ITGA8: variants seen among roughly 807,000 people sequenced by gnomAD.
ITGA8 encodes the protein integrin subunit alpha 8, also known as integrin alpha-8.
Under a neutral mutation model 142.3 loss-of-function variants are expected in ITGA8, and 91 were observed. That is an observed-to-expected ratio of 0.64 (90% CI 0.54 to 0.76). The LOEUF is 0.76. ITGA8 is among the 30% of genes least tolerant of loss of function. The probability of loss-of-function intolerance (pLI) is 0.00; values close to 1 mark genes in which losing one functional copy is unlikely to be tolerated. For synonymous variants in ITGA8, 505 were observed against 485.2 expected, an observed-to-expected ratio of 1.04 and a Z score of -0.54; for missense variants, 1,406 against 1,327.7, an observed-to-expected ratio of 1.06 and a Z score of -0.92.
In ITGA8 at chr10:15,683,685, T is replaced by G. The variant is rs192869072; in HGVS notation, c.568+319A>C. Among the ~76,000 whole-genome samples the G allele has an allele frequency of 9.2e-5, 14 of 152,342 alleles. No individual in the cohort carries two copies. In the East Asian group the frequency reaches 2.5e-3, roughly 27 times the overall value. On this transcript the variant is annotated intron_variant, in intron 4 of 29. Coordinates refer to ENST00000378076, the MANE Select transcript of ITGA8 (RefSeq NM_003638.3). ...GGCAATAAACAAATAAAGTGGGCAG[T>G]CAGCATTCTTTAGGACACGGAACGT...
At chr10:15,546,583 G>C (rs76713575) in intron 27 of ITGA8, among the ~76,000 whole-genome samples, 1 of 152,008 alleles carries the variant, frequency 6.6e-6, no homozygotes, top group African/African-American at 2.4e-5. Context: ...GTGCTGCTAA[G>C]TATCCTATAA....
intron 2 of ITGA8, among the ~76,000 whole-genome samples, chr10:15,696,861 CAAA>C (rs750418009): frequency 5.7e-5 from 3 of 52,548 alleles, no homozygotes; most frequent in African/African-American, 6.3e-5. Flanking sequence ...TAACTCTTAC[CAAA>C]AAAAAAAAAA....
intron 13 of ITGA8, among the ~76,000 whole-genome samples, chr10:15,623,465 C>T (rs904211575): frequency 1.3e-5 from 2 of 152,162 alleles, no homozygotes; most frequent in African/African-American, 4.8e-5. Context: ...GTGGGTGGAT[C>T]ACTTGAGGTC....
At chr10:15,615,821 T>A (rs1402892029) in intron 14 of ITGA8, among the ~76,000 whole-genome samples, 1 of 149,384 alleles carries the variant, frequency 6.7e-6, no homozygotes, top group Non-Finnish European at 1.5e-5. Context: ...GCCATAAAAC[T>A]TTTTTTTTTA....
intron 4 of ITGA8, among the ~76,000 whole-genome samples, 172 bp from the exon 5 acceptor site, chr10:15,678,955 TTCTG>T (rs1293386959): frequency 6.6e-6 from 1 of 152,222 alleles, no homozygotes; most frequent in Non-Finnish European, 1.5e-5. Flanking sequence ...TTAAACATAT[TTCTG>T]TCTGTTTTCT....
At chr10:15,546,523 T>C (rs1833672136) in intron 27 of ITGA8, among the ~76,000 whole-genome samples, 1 of 152,160 alleles carries the variant, frequency 6.6e-6, no homozygotes, top group Admixed American at 6.5e-5. Context: ...ATTTTGGTTG[T>C]CACACCTGGG....
At chr10:15,532,681 C>G (rs1264398849) in intron 27 of ITGA8, among the ~76,000 whole-genome samples, 1 of 152,016 alleles carries the variant, frequency 6.6e-6, no homozygotes, top group East Asian at 1.9e-4. Flanking sequence ...TACAATGGTT[C>G]GATCTACCCA....
At chr10:15,637,227 T>G (rs944168969) in intron 13 of ITGA8, among the ~76,000 whole-genome samples, 2 of 152,230 alleles carry the variant, frequency 1.3e-5, no homozygotes, top group African/African-American at 4.8e-5. Context: ...TCCACATGAC[T>G]GTCAGGTGAA....
chr10:15,713,826 C>T (rs1397973059), intron 2 of ITGA8, among the ~76,000 whole-genome samples: 2 of 152,118 alleles, frequency 1.3e-5, no homozygotes, highest in African/African-American at 4.8e-5. Context: ...TATCCTAATC[C>T]AATTGTCTTC....
intron 7 of ITGA8, 30 bp from the exon 8 acceptor site, chr10:15,671,677 C>T (rs1446065495): frequency 1.2e-5 from 19 of 1,564,630 alleles, no homozygotes; most frequent in East Asian, 2.2e-5. Flanking sequence ...ACAAACTAAT[C>T]ACACTTAATG....
chr10:15,672,728 A>G lies in ITGA8; in HGVS notation c.698T>C (p.Val233Ala). 1.9e-6 allele frequency: 3 copies of G among 1,611,008 alleles called. No individual in the cohort carries two copies. Among genetic ancestry groups the G allele is most frequent in the Non-Finnish European group, 2.5e-6 (3 of 1,178,896 alleles). Residue 233 changes from valine to alanine, a missense_variant, in exon 7 of 30, where the codon GTT becomes GCT. Val to Ala is a moderately conservative substitution (Grantham distance 64, BLOSUM62 0). Coordinates refer to ENST00000378076, the MANE Select transcript of ITGA8 (RefSeq NM_003638.3). ...TGAGTAATTTGCAATGATATCTGCA[A>G]CACTGGCAGTGATCACTTGTCCTGT... ...YWQGQVITASVADIIANYSFK... is the reference protein window; with the variant it reads ...YWQGQVITASAADIIANYSFK...
intron 13 of ITGA8, among the ~76,000 whole-genome samples, chr10:15,642,846 TA>T (rs1186458754): frequency 6.6e-6 from 1 of 152,196 alleles, no homozygotes; most frequent in Non-Finnish European, 1.5e-5. Context: ...GATGTATATT[TA>T]GGCAGTCAGC....
At chr10:15,594,418 G>A (rs1832979508) in intron 21 of ITGA8, among the ~76,000 whole-genome samples, 1 of 152,040 alleles carries the variant, frequency 6.6e-6, no homozygotes, top group African/African-American at 2.4e-5. Context: ...TTGAGTGAAG[G>A]TTGTATGTTT....
At chr10:15,608,932 A>T (rs1007253919) in intron 15 of ITGA8, among the ~76,000 whole-genome samples, 5 of 152,084 alleles carry the variant, frequency 3.3e-5, no homozygotes, top group Non-Finnish European at 7.4e-5. Flanking sequence ...GGAGGTTGAG[A>T]CGAGAAGAGG....
chr10:15,662,354 T>TTTTTA (rs1834305081), intron 8 of ITGA8, among the ~76,000 whole-genome samples: 13 of 137,376 alleles, frequency 9.5e-5, no homozygotes, highest in East Asian at 2.1e-4. Context: ...TTTTTTTTTT[T>TTTTTA]AAACAGGGTC....
At chr10:15,674,879 G>T (rs1834596981) in intron 6 of ITGA8, among the ~76,000 whole-genome samples, 1 of 151,710 alleles carries the variant, frequency 6.6e-6, no homozygotes, top group Non-Finnish European at 1.5e-5. Flanking sequence ...GGCAGAGGTT[G>T]CAGTGAGCCA....
chr10:15,634,219 A>T (rs1366419256), intron 13 of ITGA8, among the ~76,000 whole-genome samples: 4 of 152,118 alleles, frequency 2.6e-5, no homozygotes, highest in Non-Finnish European at 5.9e-5. Flanking sequence ...TGCTGCTTAT[A>T]TTACAGTTCA....
chr10:15,713,169 G>A (rs1257323930), intron 2 of ITGA8, among the ~76,000 whole-genome samples: 3 of 152,180 alleles, frequency 2.0e-5, no homozygotes, highest in Non-Finnish European at 4.4e-5. Context: ...GAAATTTAGG[G>A]ATGATGGTTG....
At chr10:15,527,590 A>G (rs1435519159) in intron 28 of ITGA8, among the ~76,000 whole-genome samples, 6 of 152,218 alleles carry the variant, frequency 3.9e-5, no homozygotes, top group African/African-American at 9.6e-5. Context: ...CATGACAAGC[A>G]TCACAGGACA....
Sources: gnomAD v4.1 joint callset for allele counts (sites outside exome capture counted in the v4.1 genomes callset) on GRCh38, gnomAD v4.1.1 for gene constraint, MANE v1.5 for transcripts, NCBI Gene and HGNC (gene_info 2026-07-23, HGNC 2026-07-21) for gene names.